The following CSMD3 variants were observed in gnomAD, a reference collection of about 807,000 sequenced individuals.
CSMD3 encodes the protein CUB and Sushi multiple domains 3.
CSMD3 carries 177 observed loss-of-function variants against 435.2 expected under a neutral mutation model. The ratio of observed to expected loss-of-function variants is 0.41; its 90% CI spans 0.36 to 0.46. The LOEUF (loss-of-function observed/expected upper bound fraction) is 0.46. CSMD3 is among the 20% of genes least tolerant of loss of function. The probability of loss-of-function intolerance (pLI) is 0.34; values close to 1 mark genes in which losing one functional copy is unlikely to be tolerated. For missense variants in CSMD3, 4,265 were observed against 4,504.6 expected (o/e 0.95, Z 1.52); for synonymous variants, 1,656 against 1,520.5 (o/e 1.09, Z -2.07).
intron 5 of CSMD3, among the ~76,000 whole-genome samples, chr8:113,024,350 C>T (rs942982484): frequency 1.0e-4 from 15 of 147,356 alleles, no homozygotes; most frequent in South Asian, 2.2e-4. Context: ...TTTCTTAATC[C>T]GTTCATACAT....
chr8:112,224,426 C>A lies in CSMD3; in HGVS notation c.*345G>T. On this transcript the variant is annotated 3_prime_UTR_variant, in exon 71 of 71. Coordinates refer to ENST00000297405, the MANE Select transcript of CSMD3 (RefSeq NM_198123.2). ...CTACCCTATATCTTTTTTTTTAAAC[C>A]CAGTCCCTCTAATATAGTTTATAAA... The A allele has an allele frequency of 6.7e-6, 2 of 299,850 alleles. No homozygotes were observed. Among genetic ancestry groups the A allele is most frequent in the South Asian group, 3.4e-5 (1 of 29,844 alleles). The allele number at this position is 299,850 out of a possible 1,614,324, so 18.6% of individuals were successfully genotyped here.
intron 5 of CSMD3, among the ~76,000 whole-genome samples, chr8:113,090,905 C>T (rs1256935835): frequency 1.3e-5 from 2 of 152,128 alleles, no homozygotes; most frequent in Admixed American, 6.6e-5. Flanking sequence ...AATATCCTAA[C>T]CTACCACCTC....
intron 11 of CSMD3, among the ~76,000 whole-genome samples, chr8:112,836,234 C>T (rs1330621114): frequency 1.3e-5 from 2 of 151,698 alleles, no homozygotes; most frequent in Non-Finnish European, 2.9e-5. Flanking sequence ...AAAGTGAATG[C>T]AGGAGAAGAA....
At chr8:112,921,240 C>T (rs1313108475) in intron 10 of CSMD3, among the ~76,000 whole-genome samples, 1 of 151,864 alleles carries the variant, frequency 6.6e-6, no homozygotes, top group East Asian at 1.9e-4. Context: ...TTGACTGCTA[C>T]CAAGTATTGT....
At chr8:113,178,718 T>C (rs2092382540) in intron 3 of CSMD3, among the ~76,000 whole-genome samples, 1 of 151,884 alleles carries the variant, frequency 6.6e-6, no homozygotes, top group African/African-American at 2.4e-5. Flanking sequence ...AACAAGTATA[T>C]TTGAAATAGA....
chr8:112,452,685 T>C (rs796811302), intron 32 of CSMD3, among the ~76,000 whole-genome samples: 2 of 152,216 alleles, frequency 1.3e-5, no homozygotes, highest in South Asian at 4.1e-4. Flanking sequence ...AGCAATGGAT[T>C]ATTTGATTAC....
chr8:112,863,149 T>C (rs2080873586), intron 10 of CSMD3, among the ~76,000 whole-genome samples: 1 of 152,074 alleles, frequency 6.6e-6, no homozygotes, highest in Non-Finnish European at 1.5e-5. Flanking sequence ...CAGACTTTTG[T>C]TGTTTTCGAT....
chr8:112,826,286 T>C (rs1563999257), intron 12 of CSMD3, among the ~76,000 whole-genome samples: 2 of 152,156 alleles, frequency 1.3e-5, no homozygotes, highest in Non-Finnish European at 2.9e-5. Flanking sequence ...AGTCCCAGTG[T>C]TGGCTACCAA....
chr8:112,795,924 T>C (rs1453621749), intron 13 of CSMD3, among the ~76,000 whole-genome samples: 2 of 152,100 alleles, frequency 1.3e-5, no homozygotes, highest in Non-Finnish European at 2.9e-5. Flanking sequence ...CATTCCTAAA[T>C]AATTCAAGTC....
intron 13 of CSMD3, among the ~76,000 whole-genome samples, chr8:112,756,786 G>A (rs1268627568): frequency 1.2e-5 from 1 of 86,654 alleles, no homozygotes; most frequent in Non-Finnish European, 2.3e-5. Context: ...TTTTTTTTTT[G>A]AGACGGAAGT....
intron 70 of CSMD3, among the ~76,000 whole-genome samples, chr8:112,227,027 A>G (rs1026090082): frequency 6.6e-6 from 1 of 152,220 alleles, no homozygotes; most frequent in East Asian, 1.9e-4. Context: ...TACTCAGTAA[A>G]TTAAACATAG....
intron 23 of CSMD3, among the ~76,000 whole-genome samples, chr8:112,583,890 C>T (rs1830517057): frequency 6.6e-6 from 1 of 151,754 alleles, no homozygotes; most frequent in Admixed American, 6.6e-5. Context: ...GTAAGAATCA[C>T]ACGGGAATTT....
intron 5 of CSMD3, among the ~76,000 whole-genome samples, chr8:113,040,171 TTA>T (rs1485675754): frequency 6.6e-6 from 1 of 152,150 alleles, no homozygotes; most frequent in African/African-American, 2.4e-5. Flanking sequence ...AGCCATGTAG[TTA>T]TATGAGATAT....
chr8:113,431,545 A>G (rs1257254239), intron 1 of CSMD3, among the ~76,000 whole-genome samples: 6 of 152,204 alleles, frequency 3.9e-5, no homozygotes, highest in African/African-American at 1.4e-4. Flanking sequence ...TAGACAAAAT[A>G]TTGAAGGTAT....
chr8:113,148,549 A>G (rs1041653784), intron 4 of CSMD3, among the ~76,000 whole-genome samples: 4 of 151,798 alleles, frequency 2.6e-5, no homozygotes, highest in African/African-American at 7.2e-5. Flanking sequence ...GTTCACAACT[A>G]TATTTCCAGA....
At chr8:112,352,828 A>C (rs2131066027) in intron 38 of CSMD3, among the ~76,000 whole-genome samples, 1 of 152,320 alleles carries the variant, frequency 6.6e-6, no homozygotes, top group African/African-American at 2.4e-5. Context: ...CTACTGTGAA[A>C]CAAAAGTAAA....
Position 112,274,048 on chromosome 8 carries a change from A to G in CSMD3, c.9508+7126T>C, listed in dbSNP as rs551129196. ...AATGTTTCACATGAACTGATACTTAAAAGGTGGATAAGAGTTTTAAAGGCT... is the reference window on the plus strand; with the variant it reads ...AATGTTTCACATGAACTGATACTTAGAAGGTGGATAAGAGTTTTAAAGGCT... On this transcript the variant is annotated intron_variant, in intron 59 of 70. Coordinates refer to ENST00000297405, the MANE Select transcript of CSMD3 (RefSeq NM_198123.2). Among the ~76,000 whole-genome samples, 4 of 152,198 alleles carry G rather than the reference A, an allele frequency of 2.6e-5. No homozygotes were observed. In the South Asian group the frequency reaches 8.3e-4, roughly 32 times the overall value.
chr8:113,302,739 T>C (rs2132600781), intron 2 of CSMD3, among the ~76,000 whole-genome samples: 1 of 147,748 alleles, frequency 6.8e-6, no homozygotes. Context: ...CTCAATAAAT[T>C]AGGTATTGAT....
chr8:112,228,398 G>A (rs1006020627), intron 70 of CSMD3, among the ~76,000 whole-genome samples: 23 of 152,128 alleles, frequency 1.5e-4, no homozygotes, highest in African/African-American at 5.6e-4. Context: ...AACATATCTG[G>A]CAGCAGATAT....
Sources: gnomAD v4.1 joint callset for allele counts (sites outside exome capture counted in the v4.1 genomes callset) on GRCh38, gnomAD v4.1.1 for gene constraint, MANE v1.5 for transcripts, NCBI Gene and HGNC (gene_info 2026-07-23, HGNC 2026-07-21) for gene names.